Variants in ABCC12 observed in about 807,000 individuals in gnomAD.
ABCC12 encodes ATP-binding cassette sub-family C member 12.
Under a neutral mutation model 151.1 loss-of-function variants are expected in ABCC12, and 142 were observed. The observed-to-expected ratio is 0.94, with a 90% CI of 0.82 to 1.08. The LOEUF (loss-of-function observed/expected upper bound fraction) is 1.08, where lower values mean the gene tolerates loss of function less well. ABCC12 is among the 50% of genes least tolerant of loss of function. ABCC12 has a pLI of 0.00. For missense variants in ABCC12, 1,638 were observed against 1,691.1 expected, an observed-to-expected ratio of 0.97 and a Z score of 0.55; for synonymous variants, 645 against 646.4, an observed-to-expected ratio of 1.00 and a Z score of 0.03.
At chr16:48,149,203 C>A (rs1596633582) in intron 2 of ABCC12, among the ~76,000 whole-genome samples, 1 of 107,584 alleles carries the variant, frequency 9.3e-6, no homozygotes. Flanking sequence ...GCTAAGAAGT[C>A]AGTCAAGGAA....
chr16:48,133,495 C>T (rs900711090), intron 9 of ABCC12, among the ~76,000 whole-genome samples, 192 bp downstream of exon 9: 1 of 150,890 alleles, frequency 6.6e-6, no homozygotes, highest in Admixed American at 6.6e-5. Context: ...CACTGCACTC[C>T]AGCCTGGGTG....
Position 48,130,808 on chromosome 16 carries a change from C to A in ABCC12, c.1216G>T (p.Val406Phe). 1 of 1,612,394 alleles carries A rather than the reference C, an allele frequency of 6.2e-7. No homozygotes were observed. The highest frequency in any genetic ancestry group is 8.5e-7 in the Non-Finnish European group (1 of 1,178,426). ...FSIKAMAEAN[V>F]SLRRMKKILI... ...TATACCTTCATTCTCCTTAGAGAGA[C>A]ATTCGCTTCAGCCATTGCTTTGATG... Residue 406 changes from valine (V) to phenylalanine (F), a missense_variant, in exon 10 of 31, where the codon GTC becomes TTC. Transcript: ENST00000311303.
intron 4 of ABCC12, among the ~76,000 whole-genome samples, chr16:48,143,443 G>A (rs1489789774): frequency 4.6e-5 from 7 of 152,152 alleles, no homozygotes; most frequent in Non-Finnish European, 7.3e-5. Flanking sequence ...TCCATGTTGG[G>A]GAAATTGTGA....
intron 4 of ABCC12, among the ~76,000 whole-genome samples, chr16:48,142,664 T>A (rs937314311): frequency 3.9e-5 from 6 of 152,216 alleles, no homozygotes; most frequent in African/African-American, 1.4e-4. Flanking sequence ...CCCCATTCTT[T>A]ATATTATACA....
chr16:48,098,333 G>A (rs1963181065), intron 23 of ABCC12, among the ~76,000 whole-genome samples: 1 of 152,114 alleles, frequency 6.6e-6, no homozygotes, highest in African/African-American at 2.4e-5. Flanking sequence ...GGGGAAAAAT[G>A]AAAACCCTTC....
intron 25 of ABCC12, among the ~76,000 whole-genome samples, chr16:48,089,266 G>T (rs894992358): frequency 1.3e-5 from 2 of 152,192 alleles, no homozygotes; most frequent in Non-Finnish European, 2.9e-5. Context: ...CTGTGGGCCT[G>T]GGAAAATGTC....
chr16:48,109,286 G>A (rs918221985), intron 18 of ABCC12, among the ~76,000 whole-genome samples: 2 of 152,130 alleles, frequency 1.3e-5, no homozygotes, highest in African/African-American at 4.8e-5. Context: ...CTGCTGCATG[G>A]ACACCTGATT....
intron 14 of ABCC12, 34 bp from the exon 15 acceptor site, chr16:48,115,652 A>C (rs911042842): frequency 3.2e-6 from 5 of 1,585,942 alleles, no homozygotes; most frequent in Non-Finnish European, 3.4e-6. Flanking sequence ...GCCCATTGTC[A>C]GCCCACCCTG....
At chr16:48,131,170 C>A (rs904037601) in intron 9 of ABCC12, among the ~76,000 whole-genome samples, 3 of 152,228 alleles carry the variant, frequency 2.0e-5, no homozygotes, top group Non-Finnish European at 2.9e-5. Context: ...AGGTCTGAGG[C>A]AGGCCACTAA....
chr16:48,112,888 G>T (rs1254050246), intron 15 of ABCC12, among the ~76,000 whole-genome samples: 1 of 152,088 alleles, frequency 6.6e-6, no homozygotes, highest in Non-Finnish European at 1.5e-5. Flanking sequence ...TTTGCCCAAA[G>T]CACTTCTGTT....
In ABCC12 at chr16:48,104,343, A is replaced by G. The variant is rs1278682974; in HGVS notation, c.2699T>C (p.Phe900Ser). The part of the protein sequence containing the change: ...DKILKSPMSF[F>S]DTTPTGRLMN... Reference sequence around the variant, plus strand: ...TAGCCTGCCAGTGGGAGTCGTGTCAAAGAAACTCATTGGGCTCTTTAAGAT... The same window carrying G: ...TAGCCTGCCAGTGGGAGTCGTGTCAGAGAAACTCATTGGGCTCTTTAAGAT... Residue 900 changes from phenylalanine to serine, a missense_variant, in exon 22 of 31, where the codon TTT becomes TCT. Phe to Ser is a radical substitution (Grantham distance 155). Coordinates refer to ENST00000311303, the MANE Select transcript of ABCC12 (RefSeq NM_001393797.1). 1 of 1,614,240 alleles carries G rather than the reference A, an allele frequency of 6.2e-7. No homozygotes were observed. The highest frequency in any genetic ancestry group is 8.5e-7 in the Non-Finnish European group (1 of 1,180,044).
rs768057101 is a variant in ABCC12, at chr16:48,146,344, G to A, written c.81C>T (p.Pro27=). 8.1e-6 allele frequency: 13 copies of A among 1,614,158 alleles called. 1 individual carries two copies. In the South Asian group the frequency reaches 1.2e-4, roughly 15 times the overall value. ...RRRSFAERYD[P]SLKTMIPVRP... is the part of the protein sequence containing the mutation. ...GCACTGGGATCATGGTCTTCAGGCTGGGGTCATATCTTTCTGCAAAGGATC... is the reference window on the plus strand; with the variant it reads ...GCACTGGGATCATGGTCTTCAGGCTAGGGTCATATCTTTCTGCAAAGGATC... The change falls in exon 3 of 31, where the codon CCC becomes CCT. Residue 27 remains proline (P), a synonymous_variant. Transcript: ENST00000311303.
chr16:48,116,988 A>G (rs1963905320), intron 14 of ABCC12, among the ~76,000 whole-genome samples: 1 of 152,248 alleles, frequency 6.6e-6, no homozygotes, highest in Non-Finnish European at 1.5e-5. Flanking sequence ...AGTTTTCACC[A>G]GAAACCCTTC....
intron 24 of ABCC12, among the ~76,000 whole-genome samples, chr16:48,096,228 C>T (rs1404671638): frequency 6.6e-6 from 1 of 152,226 alleles, no homozygotes; most frequent in Non-Finnish European, 1.5e-5. Flanking sequence ...CCCCAGCATT[C>T]ATTTCACTCC....
intron 1 of ABCC12, among the ~76,000 whole-genome samples, chr16:48,155,454 G>C (rs976195094): frequency 1.3e-5 from 2 of 150,670 alleles, no homozygotes; most frequent in South Asian, 2.1e-4. Context: ...TTTTTTTTTG[G>C]GGGGGAGGTA....
intron 22 of ABCC12, among the ~76,000 whole-genome samples, chr16:48,102,903 C>T (rs1219894394): frequency 6.6e-6 from 1 of 152,310 alleles, no homozygotes; most frequent in Non-Finnish European, 1.5e-5. Flanking sequence ...ACCCTGATGA[C>T]ACTACCTTGG....
chr16:48,096,994 G>A, intron 23 of ABCC12, 92 bp from the exon 24 acceptor site: 6 of 1,517,148 alleles, frequency 4.0e-6, no homozygotes, highest in South Asian at 2.3e-5. Flanking sequence ...TAAGGTTAGG[G>A]TGACTGGAGA....
intron 5 of ABCC12, 56 bp from the exon 6 acceptor site, chr16:48,140,976 A>T: frequency 2.6e-6 from 4 of 1,518,832 alleles, no homozygotes; most frequent in Non-Finnish European, 3.6e-6. Context: ...AGGCTGGCAT[A>T]GGAGGCCTCA....
At position 48,091,181 on chromosome 16, in the gene ABCC12, C is replaced by T. The variant is rs200003763; in HGVS notation, c.3224G>A (p.Arg1075Gln). ...QLSGLLQVCV[R>Q]TGTETQAKFT... Reference sequence around the variant, plus strand: ...TTTGGCTTGCGTCTCTGTTCCCGTTCGCACACACACTTGGAGCAGTCCGCT... The same window carrying T: ...TTTGGCTTGCGTCTCTGTTCCCGTTTGCACACACACTTGGAGCAGTCCGCT... The change falls in exon 25 of 31, where the codon CGA becomes CAA. Residue 1075 changes from arginine (R) to glutamine (Q), a missense_variant. Arg to Gln is a conservative substitution (Grantham distance 43). Coordinates refer to ENST00000311303, the MANE Select transcript of ABCC12 (RefSeq NM_001393797.1). The T allele has an allele frequency of 6.2e-7, 1 of 1,614,136 alleles. No individual in the cohort carries two copies. Among genetic ancestry groups the T allele is most frequent in the Non-Finnish European group, 8.5e-7 (1 of 1,180,006 alleles).
Sources: gnomAD v4.1 joint callset for allele counts (sites outside exome capture counted in the v4.1 genomes callset) on GRCh38, gnomAD v4.1.1 for gene constraint, MANE v1.5 for transcripts, NCBI Gene and HGNC (gene_info 2026-07-23, HGNC 2026-07-21) for gene names.